ANO6: variants seen among roughly 807,000 people sequenced by gnomAD.
The protein encoded by ANO6 is anoctamin 6, also known as anoctamin-6.
ANO6 carries 106 observed loss-of-function variants against 117.5 expected under a neutral mutation model. The observed-to-expected ratio is 0.90, with a 90% CI of 0.77 to 1.06. The LOEUF is 1.06. Among genes scored for constraint, ANO6 ranks in the 50% least tolerant of loss-of-function variants. The pLI, the probability that ANO6 is intolerant of heterozygous loss-of-function variation, is 0.00. For synonymous variants in ANO6, 367 were observed against 385.1 expected, an observed-to-expected ratio of 0.95 and a Z score of 0.55; for missense variants, 955 against 1,121.1, an observed-to-expected ratio of 0.85 and a Z score of 2.12.
intron 1 of ANO6, among the ~76,000 whole-genome samples, chr12:45,249,070 C>T (rs1378435639): frequency 6.6e-6 from 1 of 152,164 alleles, no homozygotes; most frequent in African/African-American, 2.4e-5. Flanking sequence ...GTGTTGGTGG[C>T]ACCACATAGG....
Position 45,226,315 on chromosome 12 carries a change from A to G in ANO6, c.70+9924A>G, listed in dbSNP as rs77227899. On this transcript the variant is annotated intron_variant, in intron 1 of 19. Coordinates refer to ENST00000320560, the MANE Select transcript of ANO6 (RefSeq NM_001025356.3). The stretch of plus-strand genomic sequence containing the variant: ...CAGCCAGAAATACAAGTGAAAGAAA[A>G]TGTATTCTTTTGTGAAGTCCAAATG... Among the ~76,000 whole-genome samples, 515 of 152,290 alleles carry G rather than the reference A, an allele frequency of 3.4e-3. 3 individuals carry two copies. Among genetic ancestry groups the G allele is most frequent in the African/African-American group, 0.011 (466 of 41,564 alleles).
intron 1 of ANO6, among the ~76,000 whole-genome samples, chr12:45,262,026 G>A (rs959320031): frequency 2.6e-5 from 4 of 152,164 alleles, no homozygotes; most frequent in Non-Finnish European, 5.9e-5. Flanking sequence ...TTAACCTGCT[G>A]ATAAGGAAAC....
intron 3 of ANO6, among the ~76,000 whole-genome samples, chr12:45,332,845 G>A (rs1435116339): frequency 2.6e-5 from 4 of 152,006 alleles, no homozygotes; most frequent in Admixed American, 2.6e-4. Flanking sequence ...TTACCACTTT[G>A]GCCTCAAAGT....
In ANO6 at chr12:45,236,843, CA is replaced by C. The variant is rs372964038; in HGVS notation, c.70+20454del. Among the ~76,000 whole-genome samples the C allele has an allele frequency of 6.3e-3, 953 of 152,326 alleles. 7 individuals are homozygous for C. Among genetic ancestry groups the C allele is most frequent in the African/African-American group, 0.021 (878 of 41,576 alleles). On this transcript the variant is annotated intron_variant, in intron 1 of 19. Transcript: ENST00000320560. ...TGGTTGAACTAATTTTCACTCCCACCAACAGTGTAAAAGTATTCCTATTTCT... is the reference window on the plus strand; with the variant it reads ...TGGTTGAACTAATTTTCACTCCCACCACAGTGTAAAAGTATTCCTATTTCT...
chr12:45,415,890 G>T (rs1006572421), intron 16 of ANO6, among the ~76,000 whole-genome samples: 3 of 152,094 alleles, frequency 2.0e-5, no homozygotes, highest in African/African-American at 7.2e-5. Context: ...TCCTCTGAAG[G>T]TCTGCCAGTT....
intron 1 of ANO6, among the ~76,000 whole-genome samples, chr12:45,257,875 G>A (rs1193165123): frequency 6.6e-6 from 1 of 152,158 alleles, no homozygotes; most frequent in Non-Finnish European, 1.5e-5. Context: ...TGAAATGAAA[G>A]CCAGGAGTTT....
intron 19 of ANO6, 81 bp from the exon 20 acceptor site, chr12:45,429,024 T>TA: frequency 6.5e-7 from 1 of 1,534,900 alleles, no homozygotes; most frequent in Non-Finnish European, 8.8e-7. Context: ...TAAACTGCCA[T>TA]AATGACAAGC....
chr12:45,332,127 T>G (rs991613901), intron 3 of ANO6, among the ~76,000 whole-genome samples: 3 of 152,078 alleles, frequency 2.0e-5, no homozygotes, highest in African/African-American at 7.2e-5. Flanking sequence ...GGCAGGTTTA[T>G]AAACAACTCC....
intron 1 of ANO6, among the ~76,000 whole-genome samples, chr12:45,269,233 A>T (rs1357629325): frequency 6.6e-6 from 1 of 152,226 alleles, no homozygotes; most frequent in African/African-American, 2.4e-5. Flanking sequence ...GAAATGAGAC[A>T]GTCTATCAGA....
At chr12:45,410,603 C>T in intron 16 of ANO6, among the ~76,000 whole-genome samples, 1 of 152,080 alleles carries the variant, frequency 6.6e-6, no homozygotes, top group East Asian at 1.9e-4. Flanking sequence ...TATCTGTGCC[C>T]TTTCAGCTAA....
chr12:45,310,713 A>C (rs943147584), intron 2 of ANO6, among the ~76,000 whole-genome samples: 1 of 152,080 alleles, frequency 6.6e-6, no homozygotes, highest in Non-Finnish European at 1.5e-5. Context: ...CCAGGGTATT[A>C]AAAGAGCTTG....
chr12:45,256,295 A>G (rs1192802517), intron 1 of ANO6, among the ~76,000 whole-genome samples: 1 of 152,200 alleles, frequency 6.6e-6, no homozygotes, highest in Non-Finnish European at 1.5e-5. Context: ...CTGCCACAGT[A>G]ATCATTTAAG....
At chr12:45,421,038 C>T (rs753667980) in intron 17 of ANO6, 33 bp from the exon 18 acceptor site, 1 of 1,607,580 alleles carries the variant, frequency 6.2e-7, no homozygotes, top group Non-Finnish European at 8.5e-7. Context: ...AAAACTATAA[C>T]TTCATTTTCG....
In ANO6 at chr12:45,425,109, A is replaced by C. The variant is rs577105308; in HGVS notation, c.2526+2047A>C. ...GTAGAATTTAAAAAGCAAGAAACTA[A>C]AAATTATAAGGCAATTTTGAAAAAA... On this transcript the variant is annotated intron_variant, in intron 19 of 19. Coordinates refer to ENST00000320560, the MANE Select transcript of ANO6 (RefSeq NM_001025356.3). Among the ~76,000 whole-genome samples the C allele has an allele frequency of 2.0e-5, 3 of 152,294 alleles. No individual in the cohort carries two copies. The South Asian group carries it at 6.2e-4, about 32-fold the overall frequency.
At chr12:45,323,487 A>G (rs544031931) in intron 2 of ANO6, among the ~76,000 whole-genome samples, 3 of 152,376 alleles carry the variant, frequency 2.0e-5, no homozygotes, top group Non-Finnish European at 4.4e-5. Context: ...CAACACAGGT[A>G]GTAATGAATA....
At position 45,403,535 on chromosome 12, in the gene ANO6, C is replaced by T; in HGVS notation, c.1879C>T (p.Pro627Ser). Residue 627 changes from proline (P) to serine (S), a missense_variant and splice_region_variant, in exon 15 of 20, where the codon CCC becomes TCC. By Grantham distance (74) the Pro-to-Ser change is moderately conservative. Coordinates refer to ENST00000320560, the MANE Select transcript of ANO6 (RefSeq NM_001025356.3). The stretch of plus-strand genomic sequence containing the variant: ...GAATAACATACAAGAAGTATTATTG[C>T]CGTGAGTGTTAAATTGTATAGCCAT... Reference protein sequence around the residue: ...IWNNIQEVLLPWIMNLIGRFH... With the variant: ...IWNNIQEVLLSWIMNLIGRFH... The T allele has an allele frequency of 6.2e-7, 1 of 1,607,472 alleles. No homozygotes were observed. The highest frequency in any genetic ancestry group is 8.5e-7 in the Non-Finnish European group (1 of 1,174,340).
chr12:45,221,022 G>C (rs1394942394), intron 1 of ANO6, among the ~76,000 whole-genome samples: 1 of 151,494 alleles, frequency 6.6e-6, no homozygotes, highest in African/African-American at 2.4e-5. Context: ...CAGAAACCCA[G>C]GCAAAACAAC....
At position 45,263,305 on chromosome 12, in the gene ANO6, A is replaced by G. The variant is rs538873190; in HGVS notation, c.71-38709A>G. Among the ~76,000 whole-genome samples, 15 of 150,494 alleles carry G rather than the reference A, an allele frequency of 1.0e-4. No individual in the cohort carries two copies. In the East Asian group the frequency reaches 2.9e-3, roughly 30 times the overall value. On this transcript the variant is annotated intron_variant, in intron 1 of 19. Transcript: ENST00000320560. ...CTGCAACTTTGAATTCCTGGGCTCA[A>G]GTGATTCTCTCACCTCAGCCTCCTG...
rs1939943890 is a variant in ANO6 at position 45,314,302 on chromosome 12, A to T, written c.150+12209A>T. ...TAAAAGATGACCATAATGTACACCC[A>T]GGTTTAAGAATCATTGCCTTAGAAA... On this transcript the variant is annotated intron_variant, in intron 2 of 19. Coordinates refer to ENST00000320560, the MANE Select transcript of ANO6 (RefSeq NM_001025356.3). Among the ~76,000 whole-genome samples, 3 of 151,936 alleles carry T rather than the reference A, an allele frequency of 2.0e-5. No individual in the cohort carries two copies. The South Asian group carries it at 6.2e-4, about 31-fold the overall frequency.
Sources: allele counts gnomAD v4.1 joint callset (sites outside exome capture counted in the v4.1 genomes callset), GRCh38; gene constraint gnomAD v4.1.1; transcripts MANE v1.5; gene names NCBI Gene and HGNC (gene_info 2026-07-23, HGNC 2026-07-21).